The following COL5A3 variants were observed in gnomAD, a reference collection of about 807,000 sequenced individuals.
COL5A3 encodes collagen alpha-3(V) chain.
In COL5A3, 172 loss-of-function variants were observed where a neutral mutation model predicts 250.0. That is an observed-to-expected ratio of 0.69 (90% CI 0.61 to 0.78). The LOEUF (loss-of-function observed/expected upper bound fraction) is 0.78, where lower values mean the gene tolerates loss of function less well. Ranked by LOEUF, COL5A3 falls within the 30% of genes least tolerant of loss-of-function variation. The pLI, the probability that COL5A3 is intolerant of heterozygous loss-of-function variation, is 0.00. For missense variants in COL5A3, 2,340 were observed against 2,334.4 expected, an observed-to-expected ratio of 1.00 and a Z score of -0.05; for synonymous variants, 937 against 900.4, an observed-to-expected ratio of 1.04 and a Z score of -0.73.
chr19:10,005,468 A>C, intron 4 of COL5A3, 90 bp downstream of exon 4: 1 of 1,338,866 alleles, frequency 7.5e-7, no homozygotes, highest in Non-Finnish European at 1.1e-6. Context: ...GAAGCTTGAC[A>C]TCTTCCTTCT....
rs1252648728 is a variant in COL5A3, at chr19:10,001,690, C to T, written c.964-20G>A. 1.2e-6 allele frequency: 2 copies of T among 1,613,426 alleles called. No individual in the cohort carries two copies. The highest frequency in any genetic ancestry group is 1.3e-5 in the African/African-American group (1 of 74,884). On this transcript the variant is annotated intron_variant, in intron 7 of 66. Transcript: ENST00000264828. The stretch of plus-strand genomic sequence containing the variant: ...GCTCCTCTGAGAACGTTAGGAAAGA[C>T]CAAAGTTTTCCCTGACCTCCTTATT...
intron 4 of COL5A3, among the ~76,000 whole-genome samples, chr19:10,005,212 C>A (rs1323679362): frequency 6.6e-6 from 1 of 152,114 alleles, no homozygotes; most frequent in Non-Finnish European, 1.5e-5. Context: ...CAAAAATTAG[C>A]TGGGCGTGGT....
intron 19 of COL5A3, 137 bp from the exon 20 acceptor site, chr19:9,993,204 G>A (rs1024339760): frequency 8.7e-7 from 1 of 1,150,848 alleles, no homozygotes; most frequent in Non-Finnish European, 1.3e-6. Context: ...AAGTTCATGG[G>A]ATTCCATTCA....
rs564950375 is a variant in COL5A3 at position 9,974,397 on chromosome 19, C to T, written c.3354G>A (p.Gly1118=). The change falls in exon 46 of 67, where the codon GGG becomes GGA. Residue 1118 remains glycine (G), a synonymous_variant. Coordinates refer to ENST00000264828, the MANE Select transcript of COL5A3 (RefSeq NM_015719.4). ...CTGGGGGTCCCCGGCGCCCCTGAGC[C>T]CCGTCTGCTCCCTGGAAGAACACAA... ...AGHPGPPGAD[G]AQGRRGPPGL... The T allele has an allele frequency of 1.3e-6, 2 of 1,594,864 alleles. No homozygotes were observed.
rs909135475 is a variant in COL5A3, at chr19:9,967,388, G to T, written c.4417C>A (p.Pro1473Thr). The change falls in exon 62 of 67, where the codon CCC (proline) becomes ACC (threonine). Residue 1473 changes from proline (P) to threonine (T), a missense_variant. Pro to Thr is a conservative substitution (Grantham distance 38, BLOSUM62 -1). Transcript: ENST00000264828. ...CCTGCAGGTCCAGTGTCTCCACGGG[G>T]GCCCATGGACCCCTGTAGGGAGAAG... ...GSKGSPGSMG[P>T]RGDTGPAGPP... is the part of the protein sequence containing the mutation. 1.4e-6 allele frequency: 2 copies of T among 1,480,516 alleles called. No individual in the cohort carries two copies. The highest frequency in any genetic ancestry group is 8.9e-7 in the Non-Finnish European group (1 of 1,125,456). The allele number at this position is 1,480,516 out of a possible 1,614,324, so 91.7% of individuals were successfully genotyped here. A position where few individuals can be genotyped will look rare whatever the true frequency, so the allele number is the denominator to read the frequency against.
At position 9,970,082 on chromosome 19, in the gene COL5A3, G is replaced by A. The variant is rs1033585206; in HGVS notation, c.3937-160C>T. On this transcript the variant is annotated intron_variant, in intron 54 of 66. Coordinates refer to ENST00000264828, the MANE Select transcript of COL5A3 (RefSeq NM_015719.4). ...CTGGGTGAGTGGGGGCTGTGGGTGA[G>A]TGGGGGCTGTGGCTGAGTGGAGGCT... is the stretch of plus-strand genomic sequence containing the variant. 3.8e-3 allele frequency among the ~76,000 whole-genome samples: 211 copies of A among 55,280 alleles called. 14 individuals carry two copies. The highest frequency in any genetic ancestry group is 7.8e-3 in the South Asian group (13 of 1,672). 36.3% of individuals were successfully genotyped at this position (55,280 alleles called of 152,430 possible).
chr19:9,981,431 G>A (rs2087007152), intron 32 of COL5A3, among the ~76,000 whole-genome samples: 1 of 152,094 alleles, frequency 6.6e-6, no homozygotes, highest in Admixed American at 6.6e-5. Context: ...ATGTAATCAT[G>A]GCATGCATTT....
chr19:10,000,177 T>G (rs1193252365), intron 8 of COL5A3, among the ~76,000 whole-genome samples: 1 of 152,138 alleles, frequency 6.6e-6, no homozygotes, highest in Non-Finnish European at 1.5e-5. Context: ...ATCTTCTTGG[T>G]TTGCTGTCTC....
chr19:9,996,212 G>A lies in COL5A3; in HGVS notation c.1473C>T (p.Gly491=), dbSNP rs376431609. 448 of 1,574,270 alleles carry A rather than the reference G, an allele frequency of 2.8e-4. No individual in the cohort carries two copies. Among genetic ancestry groups the A allele is most frequent in the Non-Finnish European group, 3.5e-4 (408 of 1,162,576 alleles). ...ACGCAGTCGCCTTACTCACCACAGG[G>A]CCTGGGCGCCCAGTGAGCCCCACTG... ...PGPVGLTGRP[G]PVGLPGHPGL... Residue 491 remains glycine, a synonymous_variant, in exon 14 of 67, where the codon GGC becomes GGT. Coordinates refer to ENST00000264828, the MANE Select transcript of COL5A3 (RefSeq NM_015719.4).
Position 9,989,302 on chromosome 19 carries a change from C to T in COL5A3, c.2091+20G>A. On this transcript the variant is annotated intron_variant, in intron 26 of 66. Coordinates refer to ENST00000264828, the MANE Select transcript of COL5A3 (RefSeq NM_015719.4). The stretch of plus-strand genomic sequence containing the variant: ...TCCCGACCCTCGTCCCCAACCCAGC[C>T]TAACCTCCTGGTCACTCACCTGAGC... The T allele has an allele frequency of 4.3e-6, 7 of 1,614,210 alleles. No homozygotes were observed. Among genetic ancestry groups the T allele is most frequent in the Non-Finnish European group, 5.9e-6 (7 of 1,180,016 alleles).
intron 45 of COL5A3, among the ~76,000 whole-genome samples, chr19:9,974,753 T>C (rs770550821): frequency 6.1e-5 from 6 of 98,210 alleles, no homozygotes; most frequent in Non-Finnish European, 1.2e-4. Context: ...ATTGGAAGAG[T>C]TGGGTCAGAG....
rs2303099 is a variant in COL5A3, at chr19:10,005,699, G to A, written c.453C>T (p.Ala151=). 301 of 1,609,728 alleles carry A rather than the reference G, an allele frequency of 1.9e-4. No homozygotes were observed. Among genetic ancestry groups the A allele is most frequent in the Admixed American group, 6.2e-4 (37 of 59,740 alleles). The part of the protein sequence containing the change: ...NLTDGRWHRV[A]VSIDGEMVTL... ...TCACCATCTCACCATCTATGCTGACGGCCACACGGTGCCACCTGCAAGGGG... is the reference window on the plus strand; with the variant it reads ...TCACCATCTCACCATCTATGCTGACAGCCACACGGTGCCACCTGCAAGGGG... The change falls in exon 4 of 67, where the codon GCC becomes GCT. Residue 151 remains alanine (A), a synonymous_variant. Coordinates refer to ENST00000264828, the MANE Select transcript of COL5A3 (RefSeq NM_015719.4).
rs761880871 is a variant in COL5A3 at position 9,967,937 on chromosome 19, G to A, written c.4371C>T (p.Gly1457=). 5.6e-6 allele frequency: 9 copies of A among 1,612,882 alleles called. No homozygotes were observed. The South Asian group carries it at 8.8e-5, about 16-fold the overall frequency. Reference sequence around the variant, plus strand: ...CTTTTGAGCCTTTCTGTCCTAGAGGGCCCTGTAGGGTACAGACAGGGAGAG... The same window carrying A: ...CTTTTGAGCCTTTCTGTCCTAGAGGACCCTGTAGGGTACAGACAGGGAGAG... ...LGHPGPPGVA[G]PLGQKGSKGS... Residue 1457 remains glycine (G), a splice_region_variant and synonymous_variant, in exon 61 of 67, where the codon GGC becomes GGT. Coordinates refer to ENST00000264828, the MANE Select transcript of COL5A3 (RefSeq NM_015719.4).
intron 24 of COL5A3, among the ~76,000 whole-genome samples, chr19:9,990,057 G>T: frequency 1.5e-5 from 1 of 66,850 alleles, no homozygotes; most frequent in South Asian, 4.4e-4. Context: ...CGCCTTCCCT[G>T]GCAGACACAC....
chr19:9,997,102 G>A (rs1167551246), intron 11 of COL5A3: 18 of 569,512 alleles, frequency 3.2e-5, no homozygotes, highest in South Asian at 2.3e-4. Flanking sequence ...GAGAGACAGA[G>A]ACAGAGTCAC....
intron 41 of COL5A3, among the ~76,000 whole-genome samples, chr19:9,978,359 G>A (rs1338059940): frequency 6.6e-6 from 1 of 152,080 alleles, no homozygotes; most frequent in Non-Finnish European, 1.5e-5. Context: ...GAGTAGCTGG[G>A]ATTACAGGCA....
Position 9,991,811 on chromosome 19 carries a change from G to A in COL5A3, c.1924C>T (p.Gln642Ter). 1.9e-6 allele frequency: 3 copies of A among 1,609,088 alleles called. No individual in the cohort carries two copies. The highest frequency in any genetic ancestry group is 1.1e-5 in the South Asian group (1 of 90,076). ...ACCTGGGACCCATGGTTTCCCTGCT[G>A]TCCCGGAGGGCCTGGTTCTCCTGGA... ...GPPGEPGPPG[Q>*]QGNHGSQGLP... The change falls in exon 23 of 67, where the codon CAG (glutamine) becomes TAG (stop). Residue 642 changes from glutamine to a stop codon, truncating the protein, a stop_gained. Transcript: ENST00000264828. LOFTEE classifies it high-confidence loss of function.
intron 10 of COL5A3, 32 bp from the exon 11 acceptor site, chr19:9,997,465 A>C: frequency 6.7e-7 from 1 of 1,496,456 alleles, no homozygotes; most frequent in African/African-American, 1.4e-5. Flanking sequence ...GAGTCACAGG[A>C]AGTGCAAAGT....
In COL5A3 at chr19:10,010,349, C is replaced by T. The variant is rs557522126; in HGVS notation, c.37G>A (p.Gly13Ser). The T allele has an allele frequency of 8.9e-6, 13 of 1,467,528 alleles. No individual in the cohort carries two copies. The African/African-American group carries it at 1.5e-4, about 17-fold the overall frequency. 90.9% of individuals were successfully genotyped at this position (1,467,528 alleles called of 1,614,324 possible). A position where few individuals can be genotyped will look rare whatever the true frequency, so the allele number is the denominator to read the frequency against. Residue 13 changes from glycine (G) to serine (S), a missense_variant, in exon 1 of 67, where the codon GGT (glycine) becomes AGT (serine). Physicochemically the swap from Gly to Ser is moderately conservative, Grantham distance 56. Around this residue, in one of 3 missense-constraint regions of COL5A3, gnomAD observed 1,152 missense variants for 1,146.3 expected, o/e 1.00. Transcript: ENST00000264828. ...NRRDLGQPRA[G>S]LCLLLAALQL... Reference sequence around the variant, plus strand: ...AGCGCGGCCAGGAGCAGGCAGAGACCGGCCCGCGGCTGGCCCAGGTCCCGG... The same window carrying T: ...AGCGCGGCCAGGAGCAGGCAGAGACTGGCCCGCGGCTGGCCCAGGTCCCGG...
Sources: allele counts gnomAD v4.1 joint callset (sites outside exome capture counted in the v4.1 genomes callset), GRCh38; gene constraint gnomAD v4.1.1; regional missense constraint gnomAD v4.1.1; transcripts MANE v1.5; gene names NCBI Gene and HGNC (gene_info 2026-07-23, HGNC 2026-07-21).